CPZ: variants seen among roughly 807,000 people sequenced by gnomAD.
CPZ encodes the protein carboxypeptidase Z, also known as VEZT/CPZ fusion.
Under a neutral mutation model 61.8 loss-of-function variants are expected in CPZ, and 103 were observed. The observed-to-expected ratio is 1.67, with a 90% CI of 1.42 to 1.96. The LOEUF is 1.96. CPZ is among the 30% of genes most tolerant of loss of function. The probability of loss-of-function intolerance (pLI) is 0.00; values close to 1 mark genes in which losing one functional copy is unlikely to be tolerated. For synonymous variants in CPZ, 551 were observed against 373.7 expected (o/e 1.47, Z -5.47); for missense variants, 1,461 against 914.9 (o/e 1.60, Z -7.70).
intron 2 of CPZ, chr4:8,599,784 C>T (rs955441509): frequency 6.1e-6 from 3 of 493,266 alleles, no homozygotes; most frequent in African/African-American, 4.0e-5. Context: ...TGCATTTGGG[C>T]CTTGTCCACA....
In CPZ at chr4:8,618,298, A is replaced by C. The variant is rs1716371946; in HGVS notation, c.1504-131A>C. ...TAAAGATGGCAGAGCGAGGGCTGGC[A>C]GAGTGGGGCTCTGTGGGGTAGTTCC... On this transcript the variant is annotated intron_variant, in intron 9 of 10. Coordinates refer to ENST00000360986, the MANE Select transcript of CPZ (RefSeq NM_001014447.3). 4 of 748,826 alleles carry C rather than the reference A, an allele frequency of 5.3e-6. No individual in the cohort carries two copies. In the African/African-American group the frequency reaches 7.0e-5, roughly 13 times the overall value. The allele number at this position is 748,826 out of a possible 1,614,324, so 46.4% of individuals were successfully genotyped here.
intron 6 of CPZ, 55 bp from the exon 7 acceptor site, chr4:8,607,212 C>A (rs549814123): frequency 1.9e-6 from 3 of 1,582,778 alleles, no homozygotes; most frequent in Non-Finnish European, 2.6e-6. Context: ...CAGGGCATGG[C>A]TGCGGGCCAG....
At chr4:8,615,702 A>C (rs1385839848) in intron 9 of CPZ, among the ~76,000 whole-genome samples, 1 of 152,148 alleles carries the variant, frequency 6.6e-6, no homozygotes, top group Non-Finnish European at 1.5e-5. Flanking sequence ...CAGCCAGAGG[A>C]GGAGACAGAG....
chr4:8,606,627 G>A (rs952965884), intron 5 of CPZ, 110 bp from the exon 6 acceptor site: 3 of 1,399,702 alleles, frequency 2.1e-6, no homozygotes, highest in Admixed American at 1.8e-5. Context: ...ATAAAGCCGG[G>A]GGAAACCGCA....
At chr4:8,596,385 C>G (rs928452995) in intron 1 of CPZ, among the ~76,000 whole-genome samples, 8 of 152,206 alleles carry the variant, frequency 5.3e-5, no homozygotes, top group African/African-American at 1.7e-4. Context: ...GGGCGCTTTG[C>G]TAGGGCAGCC....
At chr4:8,594,998 T>C (rs891205913) in intron 1 of CPZ, among the ~76,000 whole-genome samples, 1 of 152,154 alleles carries the variant, frequency 6.6e-6, no homozygotes, top group Non-Finnish European at 1.5e-5. Flanking sequence ...GGTCTTGATC[T>C]CCTGACCCCG....
intron 10 of CPZ, 111 bp downstream of exon 10, chr4:8,618,639 G>A: frequency 1.0e-6 from 1 of 1,002,330 alleles, no homozygotes; most frequent in South Asian, 1.5e-5. Context: ...CAGCAGGATG[G>A]CTCCATTCCT....
chr4:8,593,959 C>T (rs547392445), intron 1 of CPZ, among the ~76,000 whole-genome samples: 2 of 152,154 alleles, frequency 1.3e-5, no homozygotes, highest in East Asian at 1.9e-4. Flanking sequence ...CTCCCCTTGG[C>T]CCCTGAGAGC....
At chr4:8,610,966 A>G (rs1715602945) in intron 7 of CPZ, among the ~76,000 whole-genome samples, 1 of 152,110 alleles carries the variant, frequency 6.6e-6, no homozygotes, top group Admixed American at 6.5e-5. Flanking sequence ...GGCCTGGAGC[A>G]ATCACTCATT....
At chr4:8,604,444 T>C (rs1393602302) in intron 4 of CPZ, among the ~76,000 whole-genome samples, 1 of 152,272 alleles carries the variant, frequency 6.6e-6, no homozygotes, top group Non-Finnish European at 1.5e-5. Context: ...ATGGAGACAT[T>C]GATCTAGTGG....
At position 8,605,634 on chromosome 4, in the gene CPZ, T is replaced by TATCCATCCATCCATCCATCCATTCACCC. The variant is rs953384114; in HGVS notation, c.710-349_710-348insCCATCCATCCATCCATTCACCCATCCAT. 4.8e-3 allele frequency among the ~76,000 whole-genome samples: 710 copies of TATCCATCCATCCATCCATCCATTCACCC among 148,674 alleles called. 11 individuals carry two copies. Among genetic ancestry groups the TATCCATCCATCCATCCATCCATTCACCC allele is most frequent in the African/African-American group, 0.014 (548 of 38,808 alleles). On this transcript the variant is annotated intron_variant, in intron 4 of 10. Coordinates refer to ENST00000360986, the MANE Select transcript of CPZ (RefSeq NM_001014447.3). The stretch of plus-strand genomic sequence containing the variant: ...TCCATCCATCCATCCATCATTGATA[T>TATCCATCCATCCATCCATCCATTCACCC]ATCCATTCATCCACTCAAGGGCCAA...
intron 1 of CPZ, among the ~76,000 whole-genome samples, chr4:8,595,064 G>A (rs1336005298): frequency 2.0e-5 from 3 of 152,236 alleles, no homozygotes; most frequent in Non-Finnish European, 4.4e-5. Context: ...GAGCCACCAC[G>A]CCTGGCCTGT....
In CPZ at chr4:8,618,477, G is replaced by A. The variant is rs371380953; in HGVS notation, c.1552G>A (p.Val518Ile). 8 of 1,613,960 alleles carry A rather than the reference G, an allele frequency of 5.0e-6. No homozygotes were observed. Among genetic ancestry groups the A allele is most frequent in the East Asian group, 2.2e-5 (1 of 44,880 alleles). The change falls in exon 10 of 11, where the codon GTC becomes ATC. Residue 518 changes from valine to isoleucine, a missense_variant. Val to Ile is a conservative substitution (Grantham distance 29). Coordinates refer to ENST00000360986, the MANE Select transcript of CPZ (RefSeq NM_001014447.3). ...GVVTDKFGKPVKNARISVKGI... is the reference protein window; with the variant it reads ...GVVTDKFGKPIKNARISVKGI... ...GGTGACAGATAAATTCGGCAAGCCA[G>A]TCAAAAACGCCCGGATCTCAGTCAA...
rs777212567 is a variant in CPZ at position 8,619,495 on chromosome 4, G to A, written c.1837G>A (p.Ala613Thr). 4.4e-5 allele frequency: 70 copies of A among 1,606,736 alleles called. 1 individual carries two copies. In the South Asian group the frequency reaches 5.5e-4, roughly 13 times the overall value. The change falls in exon 11 of 11, where the codon GCC (alanine) becomes ACC (threonine). Residue 613 changes from alanine to threonine, a missense_variant. By Grantham distance (58) the Ala-to-Thr change is moderately conservative. Transcript: ENST00000360986. ...GGGAGGTGCCAGCTCTTTGGGGGAG[G>A]CCACGGAGCCCGACCCGCTCCGGGC... is the stretch of plus-strand genomic sequence containing the variant. ...PLGGASSLGE[A>T]TEPDPLRARR...
chr4:8,605,760 A>AT (rs761111851), intron 4 of CPZ, among the ~76,000 whole-genome samples: 7 of 151,902 alleles, frequency 4.6e-5, no homozygotes. Flanking sequence ...AACATATATT[A>AT]TTCATATTCT....
At chr4:8,614,212 A>C in intron 8 of CPZ, 147 bp from the exon 9 acceptor site, 1 of 1,063,802 alleles carries the variant, frequency 9.4e-7, no homozygotes, top group Non-Finnish European at 1.3e-6. Flanking sequence ...CCTGCTGGGC[A>C]CTTGGCTGAC....
chr4:8,610,996 T>C (rs1368691701), intron 7 of CPZ, among the ~76,000 whole-genome samples: 1 of 88,904 alleles, frequency 1.1e-5, no homozygotes, highest in African/African-American at 3.1e-5. Context: ...ACTCACTCTT[T>C]CACTCATTCA....
At chr4:8,605,634 T>TATCCATCCATCCATCCATCCATCCACCC (rs953384114) in intron 4 of CPZ, among the ~76,000 whole-genome samples, 7 of 148,570 alleles carry the variant, frequency 4.7e-5, no homozygotes, top group African/African-American at 1.6e-4. Context: ...ATCATTGATA[T>TATCCATCCATCCATCCATCCATCCACCC]ATCCATTCAT....
chr4:8,605,400 ACATCCATGCATCCATCCACTCAT>A (rs895346235), intron 4 of CPZ, among the ~76,000 whole-genome samples: 40 of 147,388 alleles, frequency 2.7e-4, no homozygotes, highest in Non-Finnish European at 3.7e-4. Flanking sequence ...ATTCATTCAT[ACATCCATGCATCCATCCACTCAT>A]CATCCATCCA....
Sources: gnomAD v4.1 joint callset for allele counts (sites outside exome capture counted in the v4.1 genomes callset) on GRCh38, gnomAD v4.1.1 for gene constraint, MANE v1.5 for transcripts, NCBI Gene and HGNC (gene_info 2026-07-23, HGNC 2026-07-21) for gene names.